Variants in ERC2 observed in about 807,000 individuals in gnomAD.
The protein encoded by ERC2 is ERC protein 2.
ERC2 carries 42 observed loss-of-function variants against 114.8 expected under a neutral mutation model. That is an observed-to-expected ratio of 0.37 (90% CI 0.29 to 0.47). ERC2 has a LOEUF of 0.47. Ranked by LOEUF, ERC2 falls within the 20% of genes least tolerant of loss-of-function variation. The pLI is 0.99. For synonymous variants in ERC2, 454 were observed against 425.5 expected, an observed-to-expected ratio of 1.07 and a Z score of -0.82; for missense variants, 939 against 1,150.7, an observed-to-expected ratio of 0.82 and a Z score of 2.66.
At chr3:56,397,576 C>G (rs922755968) in intron 2 of ERC2, among the ~76,000 whole-genome samples, 2 of 152,072 alleles carry the variant, frequency 1.3e-5, no homozygotes, top group African/African-American at 4.8e-5. Flanking sequence ...TTAACAACAC[C>G]TTATTATTTT....
At chr3:55,682,429 T>A (rs1559494151) in intron 17 of ERC2, among the ~76,000 whole-genome samples, 1 of 152,186 alleles carries the variant, frequency 6.6e-6, no homozygotes, top group Admixed American at 6.5e-5. Context: ...ATCTTTACTA[T>A]GTAGAAAGAT....
chr3:56,239,554 A>G (rs1469306999), intron 3 of ERC2, among the ~76,000 whole-genome samples: 7 of 152,176 alleles, frequency 4.6e-5, no homozygotes, highest in Non-Finnish European at 1.0e-4. Flanking sequence ...AACGAAAGCC[A>G]TGCTAAAAGC....
intron 4 of ERC2, among the ~76,000 whole-genome samples, chr3:56,153,095 G>C (rs889208546): frequency 1.3e-5 from 2 of 152,146 alleles, no homozygotes; most frequent in South Asian, 4.2e-4. Context: ...TCTATCTCTA[G>C]ATTTCTCTAG....
intron 13 of ERC2, among the ~76,000 whole-genome samples, chr3:55,943,563 G>A (rs946861815): frequency 1.3e-5 from 2 of 151,762 alleles, no homozygotes; most frequent in Admixed American, 6.6e-5. Flanking sequence ...TGAGACTCAC[G>A]ACTGCAGACC....
chr3:56,158,597 T>C (rs139837720), intron 4 of ERC2, among the ~76,000 whole-genome samples: 68 of 152,228 alleles, frequency 4.5e-4, no homozygotes, highest in Middle Eastern at 3.4e-3. Flanking sequence ...CCACAACCCG[T>C]ACAGGCTAGT....
chr3:55,683,960 TA>T lies in ERC2; in HGVS notation c.2848-102del. The stretch of plus-strand genomic sequence containing the variant: ...ACCGAGATGCACTGGAAAGGCACAC[TA>T]ATCTTCACTTTGTTTTTTAATCTTC... On this transcript the variant is annotated intron_variant, in intron 16 of 17. Coordinates refer to ENST00000288221, the MANE Select transcript of ERC2 (RefSeq NM_015576.3). The T allele has an allele frequency of 2.4e-6, 3 of 1,271,872 alleles. No individual in the cohort carries two copies. In the South Asian group the frequency reaches 4.2e-5, roughly 18 times the overall value. The allele number at this position is 1,271,872 out of a possible 1,614,324, so 78.8% of individuals were successfully genotyped here.
At position 55,888,466 on chromosome 3, in the gene ERC2, G is replaced by A. The variant is rs767731223; in HGVS notation, c.2487C>T (p.Ser829=). 14 of 1,613,796 alleles carry A rather than the reference G, an allele frequency of 8.7e-6. No individual in the cohort carries two copies. Among genetic ancestry groups the A allele is most frequent in the East Asian group, 2.2e-5 (1 of 44,880 alleles). ...TKARLASTQQ[S]LAEKEAHLAN... is the part of the protein sequence containing the mutation. Reference sequence around the variant, plus strand: ...CCAAGTGCGCTTCTTTTTCGGCCAGGGACTGTTGTGTGGAGGCGAGGCGTG... The same window carrying A: ...CCAAGTGCGCTTCTTTTTCGGCCAGAGACTGTTGTGTGGAGGCGAGGCGTG... The change falls in exon 14 of 18, where the codon TCC becomes TCT. Residue 829 remains serine (S), a synonymous_variant. Transcript: ENST00000288221.
chr3:56,295,378 C>T (rs965927473), intron 3 of ERC2, among the ~76,000 whole-genome samples: 9 of 152,270 alleles, frequency 5.9e-5, no homozygotes, highest in South Asian at 2.1e-4. Flanking sequence ...CTCAGATACA[C>T]GAGCATCCCA....
intron 17 of ERC2, among the ~76,000 whole-genome samples, chr3:55,554,013 T>C (rs1018857676): frequency 3.9e-5 from 6 of 152,234 alleles, no homozygotes; most frequent in African/African-American, 1.4e-4. Flanking sequence ...TAGAACTGTT[T>C]CATGGAGGAA....
chr3:56,032,969 GAAAGAAAGAGAAAGAA>G (rs1560057139), intron 7 of ERC2, among the ~76,000 whole-genome samples: 87 of 82,744 alleles, frequency 1.1e-3, no homozygotes, highest in Admixed American at 3.2e-3. Context: ...CAGAAAGAAA[GAAAGAAAGAGAAAGAA>G]AGAAAGAAAG....
intron 3 of ERC2, among the ~76,000 whole-genome samples, chr3:56,250,226 C>CA (rs35050318): frequency 1.0e-3 from 156 of 152,230 alleles, no homozygotes; most frequent in African/African-American, 3.6e-3. Flanking sequence ...CCATACCACC[C>CA]AAAAATCTAA....
chr3:55,900,825 T>C (rs2064095820), intron 13 of ERC2, among the ~76,000 whole-genome samples: 1 of 152,234 alleles, frequency 6.6e-6, no homozygotes, highest in Non-Finnish European at 1.5e-5. Flanking sequence ...GGAGCCATAC[T>C]GTAGAAAGGT....
At chr3:55,811,834 A>G (rs2059731476) in intron 14 of ERC2, among the ~76,000 whole-genome samples, 1 of 152,034 alleles carries the variant, frequency 6.6e-6, no homozygotes, top group African/African-American at 2.4e-5. Context: ...ACAATTGCCT[A>G]TTTGTCTTTT....
intron 14 of ERC2, among the ~76,000 whole-genome samples, chr3:55,819,947 G>A (rs562301745): frequency 2.0e-5 from 3 of 152,306 alleles, no homozygotes; most frequent in Admixed American, 6.5e-5. Context: ...GCAATGGAGG[G>A]GGGTTCCCAA....
chr3:56,059,511 T>C (rs972551292), intron 7 of ERC2, among the ~76,000 whole-genome samples: 1 of 152,220 alleles, frequency 6.6e-6, no homozygotes, highest in African/African-American at 2.4e-5. Flanking sequence ...TTCAGATCTC[T>C]AGGATTCAGT....
chr3:55,578,469 T>C (rs1256423325), intron 17 of ERC2, among the ~76,000 whole-genome samples: 1 of 152,176 alleles, frequency 6.6e-6, no homozygotes, highest in Non-Finnish European at 1.5e-5. Context: ...AGAAAGGCCT[T>C]TACTCAGCGT....
At chr3:56,317,278 G>A (rs954395921) in intron 2 of ERC2, among the ~76,000 whole-genome samples, 3 of 152,130 alleles carry the variant, frequency 2.0e-5, no homozygotes, top group African/African-American at 7.2e-5. Flanking sequence ...CACGGGCAAA[G>A]GCACATATAT....
rs149017958 is a variant in ERC2, at chr3:56,459,372, A to G, written c.-141+8876T>C. Among the ~76,000 whole-genome samples, 386 of 152,316 alleles carry G rather than the reference A, an allele frequency of 2.5e-3. 1 individual carries two copies. The highest frequency in any genetic ancestry group is 8.9e-3 in the African/African-American group (369 of 41,558). On this transcript the variant is annotated intron_variant, in intron 1 of 17. Transcript: ENST00000288221. ...TCAAGCTCTTGTCTTCTGACCCACTAAGAAGTTGCCTTGAATTAATAGTTT... is the reference window on the plus strand; with the variant it reads ...TCAAGCTCTTGTCTTCTGACCCACTGAGAAGTTGCCTTGAATTAATAGTTT...
intron 13 of ERC2, among the ~76,000 whole-genome samples, chr3:55,942,128 G>A (rs2066832847): frequency 6.6e-6 from 1 of 152,118 alleles, no homozygotes; most frequent in Non-Finnish European, 1.5e-5. Flanking sequence ...GGGCAAGGAT[G>A]CAGAAGGCTT....
Sources: gnomAD v4.1 joint callset for allele counts (sites outside exome capture counted in the v4.1 genomes callset) on GRCh38, gnomAD v4.1.1 for gene constraint, MANE v1.5 for transcripts, NCBI Gene and HGNC (gene_info 2026-07-23, HGNC 2026-07-21) for gene names.